ADAMTSL1: variants seen among roughly 807,000 people sequenced by gnomAD.
ADAMTSL1 encodes ADAMTS like 1.
ADAMTSL1 carries 126 observed loss-of-function variants against 201.8 expected under a neutral mutation model. The observed-to-expected ratio is 0.62, with a 90% confidence interval of 0.54 to 0.72. ADAMTSL1 has a LOEUF of 0.72. ADAMTSL1 is among the 30% of genes least tolerant of loss of function. The probability of loss-of-function intolerance (pLI) is 0.00; values close to 1 mark genes in which losing one functional copy is unlikely to be tolerated. For missense variants in ADAMTSL1, 2,679 were observed against 2,277.8 expected, an observed-to-expected ratio of 1.18 and a Z score of -3.59; for synonymous variants, 1,121 against 903.4, an observed-to-expected ratio of 1.24 and a Z score of -4.32.
intron 1 of ADAMTSL1, among the ~76,000 whole-genome samples, chr9:18,133,172 C>G (rs1826019617): frequency 6.6e-6 from 1 of 152,138 alleles, no homozygotes; most frequent in Non-Finnish European, 1.5e-5. Flanking sequence ...GGTTCAGACT[C>G]TCAGGATTAA....
At chr9:18,352,764 T>C (rs1231512240) in intron 2 of ADAMTSL1, among the ~76,000 whole-genome samples, 1 of 152,200 alleles carries the variant, frequency 6.6e-6, no homozygotes, top group Admixed American at 6.5e-5. Flanking sequence ...GTACAAAAAT[T>C]AGAAGTCATA....
intron 4 of ADAMTSL1, among the ~76,000 whole-genome samples, chr9:18,578,761 G>A (rs1381613631): frequency 1.3e-5 from 2 of 151,634 alleles, no homozygotes; most frequent in Non-Finnish European, 2.9e-5. Flanking sequence ...GGATGGCTGG[G>A]TCAAATGGTA....
rs181808994 is a variant in ADAMTSL1 at position 18,162,778 on chromosome 9, A to T, written c.88-1084A>T. 6.6e-5 allele frequency among the ~76,000 whole-genome samples: 10 copies of T among 152,176 alleles called. No homozygotes were observed. In the East Asian group the frequency reaches 1.9e-3, roughly 29 times the overall value. ...AATGCAAAATGTATGAGAGTTAAAA[A>T]GACAATGTGATATACCGTGTTCATT... On this transcript the variant is annotated intron_variant, in intron 1 of 29. Transcript: ENST00000680146.
intron 15 of ADAMTSL1, among the ~76,000 whole-genome samples, chr9:18,739,569 G>A (rs900240288): frequency 1.5e-4 from 23 of 152,076 alleles, no homozygotes; most frequent in African/African-American, 2.9e-4. Flanking sequence ...CCCTTAACTC[G>A]CCCTGAGGTA....
chr9:18,894,418 G>A (rs565990061), intron 26 of ADAMTSL1, among the ~76,000 whole-genome samples: 26 of 149,332 alleles, frequency 1.7e-4, no homozygotes, highest in African/African-American at 5.8e-4. Flanking sequence ...AAGGACTACA[G>A]AAAGAGAAAC....
chr9:18,297,992 A>G (rs1372442625), intron 2 of ADAMTSL1, among the ~76,000 whole-genome samples: 1 of 152,186 alleles, frequency 6.6e-6, no homozygotes, highest in Non-Finnish European at 1.5e-5. Context: ...TTAACATGAG[A>G]TGATAAAGTA....
In ADAMTSL1 at chr9:17,975,739, T is replaced by G. The variant is rs150150107; in HGVS notation, c.87+68817T>G. Among the ~76,000 whole-genome samples, 267 of 152,258 alleles carry G rather than the reference T, an allele frequency of 1.8e-3. 1 individual carries two copies. Among genetic ancestry groups the G allele is most frequent in the African/African-American group, 6.1e-3 (255 of 41,566 alleles). ...TTTTTTAGTTTGACATATACCCACT[T>G]GTTTATTTTTGCTTTTGTTGCCTGT... On this transcript the variant is annotated intron_variant, in intron 1 of 29. Coordinates refer to the ADAMTSL1 transcript ENST00000680146.
At chr9:18,118,750 C>T (rs1251439674) in intron 1 of ADAMTSL1, among the ~76,000 whole-genome samples, 1 of 152,178 alleles carries the variant, frequency 6.6e-6, no homozygotes, top group Non-Finnish European at 1.5e-5. Context: ...CAGTTTGACA[C>T]AGAGTAGAGC....
At chr9:18,902,156 C>G (rs942522730) in intron 26 of ADAMTSL1, among the ~76,000 whole-genome samples, 1 of 152,098 alleles carries the variant, frequency 6.6e-6, no homozygotes, top group Non-Finnish European at 1.5e-5. Context: ...ATAATTAGTT[C>G]TATAATAGAA....
At chr9:18,724,094 T>C (rs928737946) in intron 15 of ADAMTSL1, among the ~76,000 whole-genome samples, 1 of 152,204 alleles carries the variant, frequency 6.6e-6, no homozygotes, top group Admixed American at 6.5e-5. Context: ...TGGTCTGTGC[T>C]GCTATGCATG....
chr9:17,956,986 C>T (rs943908648), intron 1 of ADAMTSL1, among the ~76,000 whole-genome samples: 1 of 152,060 alleles, frequency 6.6e-6, no homozygotes, highest in Non-Finnish European at 1.5e-5. Context: ...ATTGTTACTG[C>T]TAACATGTAT....
At chr9:18,825,255 C>G (rs1159057430) in intron 21 of ADAMTSL1, among the ~76,000 whole-genome samples, 1 of 152,168 alleles carries the variant, frequency 6.6e-6, no homozygotes, top group East Asian at 1.9e-4. Flanking sequence ...CACAAGGAAA[C>G]TTCCTGAGGA....
rs758245614 is a variant in ADAMTSL1, at chr9:18,776,762, G to T, written c.2552-19G>T. On this transcript the variant is annotated intron_variant, in intron 18 of 28. Coordinates refer to ENST00000380548, the MANE Select transcript of ADAMTSL1 (RefSeq NM_001040272.6). ...TCCCCACCTCTTTCTCTGTCCCTTC[G>T]GGTTCGCTCTCCTTCCAGGGCCCGG... The T allele has an allele frequency of 1.2e-5, 18 of 1,529,598 alleles. No individual in the cohort carries two copies. Among genetic ancestry groups the T allele is most frequent in the Middle Eastern group, 3.5e-4 (2 of 5,766 alleles). The allele number at this position is 1,529,598 out of a possible 1,614,324, so 94.8% of individuals were successfully genotyped here.
intron 14 of ADAMTSL1, chr9:18,718,668 A>G: frequency 2.9e-6 from 1 of 345,846 alleles, no homozygotes; most frequent in Non-Finnish European, 5.7e-6. Context: ...TACACACCTG[A>G]CTCTGGGCGA....
intron 2 of ADAMTSL1, among the ~76,000 whole-genome samples, chr9:18,182,982 T>A (rs1417661627): frequency 6.6e-6 from 1 of 152,154 alleles, no homozygotes. Flanking sequence ...AGTAATAAGG[T>A]GTTACTGGGT....
intron 1 of ADAMTSL1, among the ~76,000 whole-genome samples, chr9:18,131,005 C>T (rs1403356927): frequency 6.6e-6 from 1 of 152,084 alleles, no homozygotes; most frequent in South Asian, 2.1e-4. Flanking sequence ...GTTAAGAAGC[C>T]AGATAAATCA....
intron 1 of ADAMTSL1, among the ~76,000 whole-genome samples, chr9:18,159,752 A>G (rs1054817432): frequency 1.3e-5 from 2 of 152,012 alleles, no homozygotes; most frequent in Non-Finnish European, 2.9e-5. Context: ...TATTCTCTAG[A>G]GCCACTGAAA....
chr9:18,573,935 T>C, intron 3 of ADAMTSL1, 95 bp from the exon 4 acceptor site: 1 of 933,168 alleles, frequency 1.1e-6, no homozygotes, highest in Non-Finnish European at 1.6e-6. Flanking sequence ...TTTGTTTTGC[T>C]TTCTAAGACC....
intron 2 of ADAMTSL1, among the ~76,000 whole-genome samples, chr9:18,440,330 C>T (rs1283978323): frequency 6.6e-6 from 1 of 152,064 alleles, no homozygotes; most frequent in Non-Finnish European, 1.5e-5. Flanking sequence ...AATAACAAAT[C>T]TGTAAAATCA....
Sources: allele counts gnomAD v4.1 joint callset (sites outside exome capture counted in the v4.1 genomes callset), GRCh38; gene constraint gnomAD v4.1.1; transcripts MANE v1.5; gene names NCBI Gene and HGNC (gene_info 2026-07-23, HGNC 2026-07-21).